Variants in MED13L observed in about 807,000 individuals in gnomAD.
The protein encoded by MED13L is mediator of RNA polymerase II transcription subunit 13-like.
Under a neutral mutation model 220.9 loss-of-function variants are expected in MED13L, and 7 were observed. The ratio of observed to expected loss-of-function variants is 0.03; its 90% CI spans 0.02 to 0.06. The LOEUF (loss-of-function observed/expected upper bound fraction) is 0.06, where lower values mean the gene tolerates loss of function less well. Among genes scored for constraint, MED13L ranks in the 10% least tolerant of loss-of-function variants. The pLI is 1.00. For synonymous variants in MED13L, 1,011 were observed against 1,015.2 expected, an observed-to-expected ratio of 1.00 and a Z score of 0.08; for missense variants, 1,965 against 2,760.5, an observed-to-expected ratio of 0.71 and a Z score of 6.46.
Position 116,277,167 on chromosome 12 carries a change from G to A in MED13L, c.-36C>T, listed in dbSNP as rs1200759571. ...GAGCCCGGCCGCCAGAGCGGGGCAT[G>A]TCGGAGCGAGGCGTCCGAGGCGAGG... On this transcript the variant is annotated 5_prime_UTR_variant, in exon 1 of 31. Transcript: ENST00000281928. 3 of 1,512,848 alleles carry A rather than the reference G, an allele frequency of 2.0e-6. No individual in the cohort carries two copies. Among genetic ancestry groups the A allele is most frequent in the Non-Finnish European group, 1.8e-6 (2 of 1,124,584 alleles). The allele number at this position is 1,512,848 out of a possible 1,614,324, so 93.7% of individuals were successfully genotyped here. A position where few individuals can be genotyped will look rare whatever the true frequency, so the allele number is the denominator to read the frequency against.
intron 2 of MED13L, among the ~76,000 whole-genome samples, chr12:116,194,437 T>C (rs1013313925): frequency 2.6e-5 from 4 of 152,062 alleles, no homozygotes; most frequent in Non-Finnish European, 5.9e-5. Context: ...AGTGCTGGGA[T>C]TACAGGCATG....
intron 2 of MED13L, among the ~76,000 whole-genome samples, chr12:116,136,662 C>T (rs770572741): frequency 2.6e-5 from 4 of 152,136 alleles, no homozygotes; most frequent in Non-Finnish European, 5.9e-5. Context: ...CAGAAACCTG[C>T]GTTCAAGTAA....
At chr12:116,269,466 C>CAAAAAAAAA (rs34100053) in intron 1 of MED13L, among the ~76,000 whole-genome samples, 116 of 69,012 alleles carry the variant, frequency 1.7e-3, no homozygotes, top group East Asian at 4.4e-3. Context: ...TTAAACTATG[C>CAAAAAAAAA]AAAAAAAAAA....
chr12:116,210,551 CTATATATATATATATATATATATA>C (rs3043762), intron 2 of MED13L, among the ~76,000 whole-genome samples: 3 of 113,666 alleles, frequency 2.6e-5, no homozygotes, highest in Non-Finnish European at 5.3e-5. Flanking sequence ...AGAACGTAAC[CTATATATATATATATATATATATA>C]TATATATATT....
At chr12:115,998,103 A>T (rs1024028808) in intron 14 of MED13L, among the ~76,000 whole-genome samples, 1 of 152,196 alleles carries the variant, frequency 6.6e-6, no homozygotes, top group Admixed American at 6.5e-5. Context: ...AAATACTTAG[A>T]ACAGCGGTTC....
intron 2 of MED13L, among the ~76,000 whole-genome samples, chr12:116,189,392 A>G (rs1433387913): frequency 6.6e-6 from 1 of 152,044 alleles, no homozygotes; most frequent in East Asian, 1.9e-4. Context: ...CTCTATATAT[A>G]CAAGTACTAG....
intron 2 of MED13L, among the ~76,000 whole-genome samples, chr12:116,146,832 C>A (rs1877564673): frequency 6.6e-6 from 1 of 151,866 alleles, no homozygotes; most frequent in African/African-American, 2.4e-5. Context: ...CGCACCACTG[C>A]ACTCCAGCCT....
intron 25 of MED13L, 108 bp downstream of exon 25, chr12:115,975,063 C>G (rs1165049589): frequency 1.7e-5 from 19 of 1,122,460 alleles, no homozygotes; most frequent in Non-Finnish European, 2.3e-5. Context: ...AAAATAGAAT[C>G]TGTTTAATTC....
At chr12:116,224,637 G>A (rs903890081) in intron 2 of MED13L, among the ~76,000 whole-genome samples, 2 of 152,102 alleles carry the variant, frequency 1.3e-5, no homozygotes, top group African/African-American at 4.8e-5. Context: ...TGTAACAATG[G>A]TAACACCTTA....
chr12:116,007,752 A>T, intron 10 of MED13L, 116 bp from the exon 11 acceptor site: 1 of 829,422 alleles, frequency 1.2e-6, no homozygotes, highest in Non-Finnish European at 1.9e-6. Context: ...TTGCTTTTAC[A>T]GTTTATATTC....
intron 2 of MED13L, among the ~76,000 whole-genome samples, chr12:116,203,262 G>C (rs754444700): frequency 5.3e-5 from 8 of 152,108 alleles, no homozygotes; most frequent in Admixed American, 3.9e-4. Flanking sequence ...CTTATAAAAG[G>C]CTTGCAAATG....
chr12:116,016,191 C>T (rs76219104), intron 7 of MED13L, among the ~76,000 whole-genome samples: 282 of 151,800 alleles, frequency 1.9e-3, no homozygotes, highest in African/African-American at 6.2e-3. Flanking sequence ...AACACCTTAA[C>T]GAAAGTCAAG....
At chr12:116,208,971 T>C (rs545575805) in intron 2 of MED13L, among the ~76,000 whole-genome samples, 1 of 151,206 alleles carries the variant, frequency 6.6e-6, no homozygotes, top group East Asian at 1.9e-4. Flanking sequence ...ACCCTGTCTC[T>C]AAGAAAAAAT....
chr12:116,083,992 C>T (rs201797312), intron 4 of MED13L, among the ~76,000 whole-genome samples: 1 of 152,272 alleles, frequency 6.6e-6, no homozygotes, highest in East Asian at 1.9e-4. Flanking sequence ...ACATGTAATG[C>T]TTGAATTTTA....
chr12:116,240,157 G>C (rs1870487382), intron 1 of MED13L, among the ~76,000 whole-genome samples: 1 of 151,774 alleles, frequency 6.6e-6, no homozygotes, highest in South Asian at 2.1e-4. Context: ...CTGTCACCCA[G>C]GTTGGAGTGC....
chr12:116,165,170 G>A (rs1879158321), intron 2 of MED13L, among the ~76,000 whole-genome samples: 1 of 150,400 alleles, frequency 6.6e-6, no homozygotes, highest in African/African-American at 2.5e-5. Context: ...ACAAAAACAT[G>A]ACAGAATCTG....
intron 10 of MED13L, chr12:116,007,910 T>C (rs796789831): frequency 2.2e-5 from 10 of 459,684 alleles, no homozygotes; most frequent in African/African-American, 2.0e-4. Context: ...TGGCCCTAGT[T>C]TCTCAGTTAT....
At chr12:116,159,980 T>G (rs1390332156) in intron 2 of MED13L, among the ~76,000 whole-genome samples, 1 of 152,008 alleles carries the variant, frequency 6.6e-6, no homozygotes, top group Non-Finnish European at 1.5e-5. Context: ...ATTTAAGGAC[T>G]CACTACATGC....
chr12:116,170,011 C>T (rs972474092), intron 2 of MED13L, among the ~76,000 whole-genome samples: 9 of 151,998 alleles, frequency 5.9e-5, no homozygotes, highest in African/African-American at 1.7e-4. Context: ...AGTGAGACCC[C>T]GCCTCATAAA....
Sources: gnomAD v4.1 joint callset for allele counts (sites outside exome capture counted in the v4.1 genomes callset) on GRCh38, gnomAD v4.1.1 for gene constraint, MANE v1.5 for transcripts, NCBI Gene and HGNC (gene_info 2026-07-23, HGNC 2026-07-21) for gene names.